Variants in DPP10 observed in about 807,000 individuals in gnomAD.
DPP10 encodes the protein dipeptidyl peptidase like 10.
In DPP10, 33 loss-of-function variants were observed where a neutral mutation model predicts 120.9. That is an observed-to-expected ratio of 0.27 (90% CI 0.21 to 0.37). DPP10 has a LOEUF of 0.37. Among genes scored for constraint, DPP10 ranks in the 10% least tolerant of loss-of-function variants. DPP10 has a pLI of 1.00. For missense variants in DPP10, 816 were observed against 942.8 expected (o/e 0.87, Z 1.76); for synonymous variants, 337 against 326.1 (o/e 1.03, Z -0.36).
intron 5 of DPP10, among the ~76,000 whole-genome samples, chr2:115,625,810 T>A (rs2085311700): frequency 6.6e-6 from 1 of 151,972 alleles, no homozygotes. Context: ...CTGAGTAGAA[T>A]AGTATTTGGC....
At chr2:114,779,136 G>A (rs1367916371) in intron 1 of DPP10, among the ~76,000 whole-genome samples, 1 of 151,986 alleles carries the variant, frequency 6.6e-6, no homozygotes, top group East Asian at 1.9e-4. Flanking sequence ...CTGCAGTCAG[G>A]CCTTCTCATC....
chr2:114,614,055 C>A (rs1693491714), intron 1 of DPP10, among the ~76,000 whole-genome samples: 1 of 151,986 alleles, frequency 6.6e-6, no homozygotes. Context: ...TTGATAGGTG[C>A]AACAAACCAC....
chr2:115,065,090 A>G (rs1706731002), intron 1 of DPP10, among the ~76,000 whole-genome samples: 1 of 152,100 alleles, frequency 6.6e-6, no homozygotes, highest in Admixed American at 6.5e-5. Context: ...GTCACCCTTT[A>G]TATGCTCTGG....
intron 13 of DPP10, 114 bp downstream of exon 13, chr2:115,768,518 A>G: frequency 1.2e-6 from 1 of 808,172 alleles, no homozygotes; most frequent in Non-Finnish European, 2.0e-6. Flanking sequence ...AGCCATATAT[A>G]CAACTCACAG....
At chr2:115,103,150 G>A (rs903849949) in intron 1 of DPP10, among the ~76,000 whole-genome samples, 24 of 149,648 alleles carry the variant, frequency 1.6e-4, no homozygotes, top group Admixed American at 6.0e-4. Context: ...TTTCAGTTGG[G>A]TTATTCTCCT....
At chr2:114,708,582 G>A (rs1029881898) in intron 1 of DPP10, among the ~76,000 whole-genome samples, 1 of 152,058 alleles carries the variant, frequency 6.6e-6, no homozygotes, top group Non-Finnish European at 1.5e-5. Flanking sequence ...GTGCTCCAGA[G>A]GAATGTTTTG....
intron 3 of DPP10, among the ~76,000 whole-genome samples, chr2:115,394,469 CA>C (rs34655384): frequency 0.12 from 10,539 of 91,004 alleles, 439 homozygotes; most frequent in Non-Finnish European, 0.16. Flanking sequence ...TCAACCTCAC[CA>C]AAAAAAAAAA....
rs773832982 is a variant in DPP10 at position 115,739,731 on chromosome 2, T to C, written c.698-8T>C. 33 of 1,612,596 alleles carry C rather than the reference T, an allele frequency of 2.0e-5. No homozygotes were observed. Among genetic ancestry groups the C allele is most frequent in the Middle Eastern group, 1.7e-4 (1 of 6,060 alleles). On this transcript the variant is annotated splice_polypyrimidine_tract_variant and splice_region_variant and intron_variant, in intron 8 of 25. Transcript: ENST00000410059. ...CAGTTGGTCTCAAATAACACTCATTTATTCTAGAGGAACTCCTGCATTCTC... is the reference window on the plus strand; with the variant it reads ...CAGTTGGTCTCAAATAACACTCATTCATTCTAGAGGAACTCCTGCATTCTC...
At chr2:114,846,144 G>T (rs532010001) in intron 1 of DPP10, among the ~76,000 whole-genome samples, 1 of 151,828 alleles carries the variant, frequency 6.6e-6, no homozygotes, top group Non-Finnish European at 1.5e-5. Flanking sequence ...ATGTACCTCC[G>T]ATTGTATATA....
chr2:115,403,381 CTTTTTTTTTTTTTTTTTTTT>C (rs78116780), intron 3 of DPP10, among the ~76,000 whole-genome samples: 4 of 118,386 alleles, frequency 3.4e-5, no homozygotes, highest in African/African-American at 1.1e-4. Flanking sequence ...TTCTTTCCTT[CTTTTTTTTTTTTTTTTTTTT>C]TTTTTTTTTT....
intron 5 of DPP10, among the ~76,000 whole-genome samples, chr2:115,589,965 T>G (rs966229144): frequency 6.6e-6 from 1 of 152,108 alleles, no homozygotes; most frequent in African/African-American, 2.4e-5. Flanking sequence ...TATAATGTTC[T>G]TTTCATTATC....
intron 4 of DPP10, among the ~76,000 whole-genome samples, chr2:115,525,563 G>A (rs995516263): frequency 2.6e-5 from 4 of 151,852 alleles, no homozygotes; most frequent in African/African-American, 9.7e-5. Flanking sequence ...GATTAATCTA[G>A]CATGCAAATT....
Position 115,511,511 on chromosome 2 carries a change from G to A in DPP10, c.366+11907G>A, listed in dbSNP as rs1575059229. Reference sequence around the variant, plus strand: ...CAATTTTATTTTTCTTTTCAAGGAAGAAACTCTCAGCCTTATTCATTTTCT... The same window carrying A: ...CAATTTTATTTTTCTTTTCAAGGAAAAAACTCTCAGCCTTATTCATTTTCT... On this transcript the variant is annotated intron_variant, in intron 4 of 25. Coordinates refer to ENST00000410059, the MANE Select transcript of DPP10 (RefSeq NM_020868.6). Among the ~76,000 whole-genome samples, 3 of 151,784 alleles carry A rather than the reference G, an allele frequency of 2.0e-5. No individual in the cohort carries two copies. In the East Asian group the frequency reaches 5.9e-4, roughly 30 times the overall value.
chr2:114,851,543 G>T (rs977008824), intron 1 of DPP10, among the ~76,000 whole-genome samples: 1 of 152,136 alleles, frequency 6.6e-6, no homozygotes, highest in Non-Finnish European at 1.5e-5. Flanking sequence ...GACTTTAGAA[G>T]TTTAAATAAA....
chr2:114,927,593 A>G (rs1422460353), intron 1 of DPP10, among the ~76,000 whole-genome samples: 2 of 152,160 alleles, frequency 1.3e-5, no homozygotes, highest in African/African-American at 4.8e-5. Flanking sequence ...ATATGCATCC[A>G]TCTCTGTGAG....
At chr2:115,201,282 G>A (rs1245003320) in intron 1 of DPP10, among the ~76,000 whole-genome samples, 1 of 152,034 alleles carries the variant, frequency 6.6e-6, no homozygotes, top group African/African-American at 2.4e-5. Context: ...GGACAACATG[G>A]TGAAACCCCA....
intron 3 of DPP10, among the ~76,000 whole-genome samples, chr2:115,425,203 T>C (rs1036548045): frequency 1.3e-5 from 2 of 152,152 alleles, no homozygotes; most frequent in Non-Finnish European, 2.9e-5. Flanking sequence ...AGAGGAGTTA[T>C]GGGTTTGCCA....
intron 21 of DPP10, among the ~76,000 whole-genome samples, chr2:115,817,578 C>G (rs1274121953): frequency 6.6e-6 from 1 of 152,120 alleles, no homozygotes; most frequent in African/African-American, 2.4e-5. Flanking sequence ...CAGCAATATT[C>G]AACAGATAAG....
chr2:114,537,689 G>T (rs965256125), intron 1 of DPP10, among the ~76,000 whole-genome samples: 1 of 152,114 alleles, frequency 6.6e-6, no homozygotes, highest in Non-Finnish European at 1.5e-5. Flanking sequence ...TATGACAACC[G>T]CAGGAGGGAG....
Sources: allele counts gnomAD v4.1 joint callset (sites outside exome capture counted in the v4.1 genomes callset), GRCh38; gene constraint gnomAD v4.1.1; transcripts MANE v1.5; gene names NCBI Gene and HGNC (gene_info 2026-07-23, HGNC 2026-07-21).